Variants in IPCEF1 observed in about 807,000 individuals in gnomAD.
IPCEF1 encodes the protein interactor protein for cytohesin exchange factors 1.
Under a neutral mutation model 50.9 loss-of-function variants are expected in IPCEF1, and 31 were observed. That is an observed-to-expected ratio of 0.61 (90% CI 0.46 to 0.82). The LOEUF (loss-of-function observed/expected upper bound fraction) is 0.82. Ranked by LOEUF, IPCEF1 falls within the 40% of genes least tolerant of loss-of-function variation. IPCEF1 has a pLI of 0.00. For synonymous variants in IPCEF1, 181 were observed against 192.0 expected (o/e 0.94, Z 0.47); for missense variants, 458 against 514.0 (o/e 0.89, Z 1.05).
intron 10 of IPCEF1, among the ~76,000 whole-genome samples, chr6:154,179,005 C>T (rs13437608): frequency 0.078 from 11,937 of 152,260 alleles, 628 homozygotes; most frequent in African/African-American, 0.14. Context: ...TACAACATAT[C>T]ACTAAATACT....
rs1230174138 is a variant in IPCEF1, at chr6:154,346,527, T to C, written c.-62+10145A>G. Among the ~76,000 whole-genome samples, 3 of 152,316 alleles carry C rather than the reference T, an allele frequency of 2.0e-5. No individual in the cohort carries two copies. In the East Asian group the frequency reaches 5.8e-4, roughly 29 times the overall value. On this transcript the variant is annotated intron_variant, in intron 1 of 11. Transcript: ENST00000367220. ...TTAGAAAGAATGGATGGACTATCTG[T>C]ATTAGTCCATTCTTATGCTGCTATG...
intron 1 of IPCEF1, among the ~76,000 whole-genome samples, chr6:154,353,293 C>CTTTTTTTTTT (rs914097422): frequency 5.5e-5 from 7 of 127,858 alleles, no homozygotes; most frequent in Non-Finnish European, 8.2e-5. Context: ...TTTCCTTTTC[C>CTTTTTTTTTT]TTTTTTTTTT....
chr6:154,195,147 CTT>C (rs10719288), intron 10 of IPCEF1, among the ~76,000 whole-genome samples: 82 of 122,864 alleles, frequency 6.7e-4, no homozygotes, highest in East Asian at 1.6e-3. Flanking sequence ...TCTTTTCTTT[CTT>C]TTTTTTTTTT....
chr6:154,263,592 C>T (rs1309079964), intron 3 of IPCEF1, among the ~76,000 whole-genome samples: 9 of 86,338 alleles, frequency 1.0e-4, no homozygotes, highest in African/African-American at 4.0e-4. Context: ...GATCCCAAGG[C>T]AGAAGAATTT....
intron 1 of IPCEF1, among the ~76,000 whole-genome samples, chr6:154,342,509 C>A (rs534788695): frequency 6.6e-6 from 1 of 152,164 alleles, no homozygotes; most frequent in Non-Finnish European, 1.5e-5. Flanking sequence ...ACAGCCTTGA[C>A]TTTTGCGACT....
At chr6:154,354,610 TCCC>T in intron 1 of IPCEF1, among the ~76,000 whole-genome samples, 1 of 150,472 alleles carries the variant, frequency 6.6e-6, no homozygotes, top group South Asian at 2.1e-4. Flanking sequence ...CACCATCACC[TCCC>T]CTACGACCAC....
chr6:154,276,933 G>A (rs17227925), intron 2 of IPCEF1, among the ~76,000 whole-genome samples: 2,804 of 152,262 alleles, frequency 0.018, 35 homozygotes, highest in Non-Finnish European at 0.031. Flanking sequence ...AGGGACCTTC[G>A]GTGACTAGCA....
intron 4 of IPCEF1, 166 bp from the exon 5 acceptor site, chr6:154,246,926 AAACCAATGC>A: frequency 1.8e-6 from 1 of 557,012 alleles, no homozygotes. Flanking sequence ...AACCTATGCA[AAACCAATGC>A]AAAAAAAAAA....
Position 154,299,958 on chromosome 6 carries a change from G to A in IPCEF1, c.-61-10202C>T, listed in dbSNP as rs750872900. On this transcript the variant is annotated intron_variant, in intron 1 of 11. Transcript: ENST00000367220. ...GCAAAAATTTAGCAATTCTGTGCCC[G>A]AATCATGTATAACATTCATCAGTTG... 1.1e-4 allele frequency among the ~76,000 whole-genome samples: 16 copies of A among 140,010 alleles called. 5 individuals carry two copies. Among genetic ancestry groups the A allele is most frequent in the Admixed American group, 1.5e-4 (2 of 13,544 alleles). The allele number at this position is 140,010 out of a possible 152,430, so 91.9% of individuals were successfully genotyped here.
At chr6:154,198,708 C>T (rs1776831215) in intron 10 of IPCEF1, among the ~76,000 whole-genome samples, 1 of 151,014 alleles carries the variant, frequency 6.6e-6, no homozygotes, top group South Asian at 2.1e-4. Flanking sequence ...ACGCTGATAC[C>T]AAAAATTAAA....
At chr6:154,259,955 A>T in intron 3 of IPCEF1, among the ~76,000 whole-genome samples, 1 of 152,124 alleles carries the variant, frequency 6.6e-6, no homozygotes, top group East Asian at 1.9e-4. Flanking sequence ...AATTGACCAG[A>T]AATGTGAAGA....
intron 1 of IPCEF1, among the ~76,000 whole-genome samples, chr6:154,307,895 A>G (rs1369281118): frequency 6.6e-6 from 1 of 152,186 alleles, no homozygotes; most frequent in Non-Finnish European, 1.5e-5. Flanking sequence ...CCAACTTGGC[A>G]TCCTCACATC....
rs578041209 is a variant in IPCEF1 at position 154,343,500 on chromosome 6, A to C, written c.-62+13172T>G. 2.0e-5 allele frequency among the ~76,000 whole-genome samples: 3 copies of C among 152,230 alleles called. No individual in the cohort carries two copies. The East Asian group carries it at 5.8e-4, about 29-fold the overall frequency. On this transcript the variant is annotated intron_variant, in intron 1 of 11. Coordinates refer to ENST00000367220, the MANE Select transcript of IPCEF1 (RefSeq NM_001130700.2). The stretch of plus-strand genomic sequence containing the variant: ...TATCATCAAACTTCCAAAATGCTCC[A>C]CTTCCCTGGGAAAGCTTTTCCTCCC...
At chr6:154,174,449 A>G (rs1800134977) in intron 10 of IPCEF1, among the ~76,000 whole-genome samples, 1 of 152,180 alleles carries the variant, frequency 6.6e-6, no homozygotes, top group East Asian at 1.9e-4. Context: ...AGACACACAC[A>G]GGCTCAAAAT....
intron 5 of IPCEF1, among the ~76,000 whole-genome samples, chr6:154,239,790 G>A (rs183894114): frequency 9.9e-5 from 15 of 152,216 alleles, no homozygotes; most frequent in Admixed American, 8.5e-4. Flanking sequence ...TGCAACCTCC[G>A]CCTCCCATGT....
At chr6:154,317,228 T>C (rs1783242785) in intron 1 of IPCEF1, among the ~76,000 whole-genome samples, 1 of 151,650 alleles carries the variant, frequency 6.6e-6, no homozygotes, top group Admixed American at 6.6e-5. Context: ...TCCAACTCGA[T>C]AATAAAATGA....
intron 1 of IPCEF1, among the ~76,000 whole-genome samples, chr6:154,323,596 C>A (rs1165701917): frequency 1.3e-5 from 2 of 152,052 alleles, no homozygotes; most frequent in Non-Finnish European, 2.9e-5. Flanking sequence ...TCTGGAGTAA[C>A]CCAAACTAAA....
intron 1 of IPCEF1, among the ~76,000 whole-genome samples, chr6:154,290,096 C>T (rs1443361056): frequency 6.6e-6 from 1 of 152,140 alleles, no homozygotes; most frequent in Non-Finnish European, 1.5e-5. Flanking sequence ...AGATAAGTAA[C>T]ACTTGAAGCT....
At chr6:154,276,973 G>T (rs529075845) in intron 2 of IPCEF1, among the ~76,000 whole-genome samples, 1 of 152,200 alleles carries the variant, frequency 6.6e-6, no homozygotes, top group Admixed American at 6.5e-5. Flanking sequence ...AGGGCTACTC[G>T]TGGGATCATA....
Sources: allele counts gnomAD v4.1 joint callset (sites outside exome capture counted in the v4.1 genomes callset), GRCh38; gene constraint gnomAD v4.1.1; transcripts MANE v1.5; gene names NCBI Gene and HGNC (gene_info 2026-07-23, HGNC 2026-07-21).